The following NIBAN1 variants were observed in gnomAD, a reference collection of about 807,000 sequenced individuals.
The protein encoded by NIBAN1 is niban apoptosis regulator 1, also known as protein Niban 1.
NIBAN1 carries 81 observed loss-of-function variants against 75.1 expected under a neutral mutation model. That is an observed-to-expected ratio of 1.08 (90% CI 0.90 to 1.30). The LOEUF (loss-of-function observed/expected upper bound fraction) is 1.30, where lower values mean the gene tolerates loss of function less well. Among genes scored for constraint, NIBAN1 ranks in the 50% most tolerant of loss-of-function variants. The pLI is 0.00. For missense variants in NIBAN1, 1,133 were observed against 1,128.1 expected (o/e 1.00, Z -0.06); for synonymous variants, 436 against 424.8 (o/e 1.03, Z -0.32).
intron 5 of NIBAN1, among the ~76,000 whole-genome samples, chr1:184,843,350 T>C (rs1272047733): frequency 2.0e-5 from 3 of 152,216 alleles, no homozygotes; most frequent in Non-Finnish European, 2.9e-5. Flanking sequence ...TCTGTTTCTT[T>C]ACCATAAGTT....
chr1:184,917,412 C>T (rs1351718906), intron 1 of NIBAN1, among the ~76,000 whole-genome samples: 2 of 143,872 alleles, frequency 1.4e-5, no homozygotes, highest in East Asian at 2.0e-4. Flanking sequence ...CGGGGTTTCA[C>T]CATGTTAGCC....
At chr1:184,796,996 G>A (rs74769471) in intron 13 of NIBAN1, among the ~76,000 whole-genome samples, 1,697 of 152,302 alleles carry the variant, frequency 0.011, 17 homozygotes, top group East Asian at 0.032. Context: ...GGTCTCACTG[G>A]ATTCCCTAGA....
chr1:184,857,989 G>A (rs1049107747), intron 5 of NIBAN1, among the ~76,000 whole-genome samples: 1 of 151,610 alleles, frequency 6.6e-6, no homozygotes, highest in African/African-American at 2.4e-5. Context: ...ATATAATCTT[G>A]GGTTAAGGGG....
chr1:184,821,900 G>T (rs1185413891), intron 8 of NIBAN1, among the ~76,000 whole-genome samples: 2 of 152,138 alleles, frequency 1.3e-5, no homozygotes, highest in African/African-American at 4.8e-5. Context: ...TGCTGGAGCT[G>T]TGCCTCCTCA....
rs778807364 is a variant in NIBAN1, at chr1:184,818,783, A to C, written c.1028T>G (p.Val343Gly). 4.3e-6 allele frequency: 7 copies of C among 1,610,092 alleles called. No homozygotes were observed. The highest frequency in any genetic ancestry group is 5.9e-6 in the Non-Finnish European group (7 of 1,177,120). ...QPAEKSCLES[V>G]QPFLASILEE... ...CAGGATGGATGCCAGGAATGGCTGC[A>C]CACTCTCCAAGCAGCTTTTCTCCGC... The change falls in exon 9 of 14, where the codon GTG becomes GGG. Residue 343 changes from valine (V) to glycine (G), a missense_variant. Coordinates refer to ENST00000367511, the MANE Select transcript of NIBAN1 (RefSeq NM_052966.4).
chr1:184,944,015 G>T (rs550533710), intron 1 of NIBAN1, among the ~76,000 whole-genome samples: 32 of 152,224 alleles, frequency 2.1e-4, no homozygotes, highest in Non-Finnish European at 4.1e-4. Flanking sequence ...CTGACACATT[G>T]TACAGCAACA....
intron 1 of NIBAN1, among the ~76,000 whole-genome samples, chr1:184,970,285 C>G (rs1658902852): frequency 6.6e-6 from 1 of 152,064 alleles, no homozygotes; most frequent in Non-Finnish European, 1.5e-5. Context: ...CCATTACTAG[C>G]CAACTTGGAC....
intron 5 of NIBAN1, among the ~76,000 whole-genome samples, chr1:184,883,444 A>G (rs903645447): frequency 2.0e-5 from 3 of 152,114 alleles, no homozygotes; most frequent in Non-Finnish European, 4.4e-5. Context: ...AGCCCTCAGT[A>G]CTCTTAGACT....
chr1:184,942,862 C>T (rs1238607485), intron 1 of NIBAN1, among the ~76,000 whole-genome samples: 3 of 152,006 alleles, frequency 2.0e-5, no homozygotes, highest in Admixed American at 6.6e-5. Context: ...TTTGTGACAT[C>T]GAATATGAGA....
rs116900253 is a variant in NIBAN1 at position 184,883,511 on chromosome 1, T to C, written c.601+1122A>G. Among the ~76,000 whole-genome samples the C allele has an allele frequency of 3.5e-4, 54 of 152,342 alleles. No homozygotes were observed. In the East Asian group the frequency reaches 7.9e-3, roughly 22 times the overall value. ...CGCAGTTATCTGTAACTGAAGACTT[T>C]GTGGAGTCCAGAAAAACCAGCATTC... On this transcript the variant is annotated intron_variant, in intron 5 of 13. Coordinates refer to ENST00000367511, the MANE Select transcript of NIBAN1 (RefSeq NM_052966.4).
intron 4 of NIBAN1, 90 bp downstream of exon 4, chr1:184,890,018 G>T: frequency 1.0e-6 from 1 of 1,001,442 alleles, no homozygotes; most frequent in Non-Finnish European, 1.5e-6. Flanking sequence ...TCCCTGGAGG[G>T]AAATCCCTCT....
At chr1:184,891,816 T>C (rs564018828) in intron 3 of NIBAN1, among the ~76,000 whole-genome samples, 1 of 152,212 alleles carries the variant, frequency 6.6e-6, no homozygotes. Flanking sequence ...TATAATTTTA[T>C]AAGATACTTC....
chr1:184,866,450 G>A (rs1655959323), intron 5 of NIBAN1, among the ~76,000 whole-genome samples: 1 of 152,178 alleles, frequency 6.6e-6, no homozygotes, highest in South Asian at 2.1e-4. Context: ...ATTCTAGGAT[G>A]TGTTCTTTGG....
chr1:184,884,635 T>A lies in NIBAN1; in HGVS notation c.599A>T (p.His200Leu). 6.2e-7 allele frequency: 1 copy of A among 1,613,910 alleles called. No homozygotes were observed. The highest frequency in any genetic ancestry group is 8.5e-7 in the Non-Finnish European group (1 of 1,179,908). The change falls in exon 5 of 14, where the codon CAT (histidine) becomes CTT (leucine). Residue 200 changes from histidine to leucine, a missense_variant and splice_region_variant. By Grantham distance (99) the His-to-Leu change is moderately conservative. Coordinates refer to ENST00000367511, the MANE Select transcript of NIBAN1 (RefSeq NM_052966.4). The stretch of plus-strand genomic sequence containing the variant: ...ATGAGAGGGGAGCCGCGCCATACCA[T>A]GATTGAGATGCCTGACGCAGTCACT... ...LLSDCVRHLN[H>L]DYMKQMTFEA...
chr1:184,800,784 C>A (rs1654017219), intron 12 of NIBAN1, among the ~76,000 whole-genome samples: 1 of 152,138 alleles, frequency 6.6e-6, no homozygotes, highest in South Asian at 2.1e-4. Flanking sequence ...TTATGTTGGG[C>A]ATATACCTAA....
intron 4 of NIBAN1, among the ~76,000 whole-genome samples, chr1:184,885,014 C>T (rs1432673305): frequency 6.6e-6 from 1 of 152,104 alleles, no homozygotes; most frequent in Non-Finnish European, 1.5e-5. Context: ...GGCCTCCTAC[C>T]CAACATCACA....
intron 1 of NIBAN1, among the ~76,000 whole-genome samples, chr1:184,923,558 GT>G (rs1657612154): frequency 6.6e-6 from 1 of 152,106 alleles, no homozygotes; most frequent in Admixed American, 6.6e-5. Flanking sequence ...GTCTTTTGTG[GT>G]TCCATATAAA....
intron 4 of NIBAN1, among the ~76,000 whole-genome samples, chr1:184,889,038 A>G (rs967029716): frequency 6.6e-6 from 1 of 152,248 alleles, no homozygotes; most frequent in African/African-American, 2.4e-5. Context: ...TTCTAATGAA[A>G]TTATTATGTC....
At chr1:184,940,854 T>C in intron 1 of NIBAN1, among the ~76,000 whole-genome samples, 1 of 152,240 alleles carries the variant, frequency 6.6e-6, no homozygotes, top group East Asian at 1.9e-4. Context: ...AAAGGTATGG[T>C]GAAATCATCA....
Sources: allele counts gnomAD v4.1 joint callset (sites outside exome capture counted in the v4.1 genomes callset), GRCh38; gene constraint gnomAD v4.1.1; transcripts MANE v1.5; gene names NCBI Gene and HGNC (gene_info 2026-07-23, HGNC 2026-07-21).